Variants in TULP4 observed in about 807,000 individuals in gnomAD.
The protein encoded by TULP4 is tubby-related protein 4.
Under a neutral mutation model 129.0 loss-of-function variants are expected in TULP4, and 16 were observed. The ratio of observed to expected loss-of-function variants is 0.12; its 90% CI spans 0.08 to 0.19. The LOEUF (loss-of-function observed/expected upper bound fraction) is 0.19. Ranked by LOEUF, TULP4 falls within the 10% of genes least tolerant of loss-of-function variation. The probability of loss-of-function intolerance (pLI) is 1.00; values close to 1 mark genes in which losing one functional copy is unlikely to be tolerated. For synonymous variants in TULP4, 998 were observed against 854.0 expected, an observed-to-expected ratio of 1.17 and a Z score of -2.94; for missense variants, 1,842 against 2,059.1, an observed-to-expected ratio of 0.89 and a Z score of 2.04.
intron 5 of TULP4, 90 bp from the exon 6 acceptor site, chr6:158,461,473 A>ATTT: frequency 7.7e-7 from 1 of 1,301,874 alleles, no homozygotes; most frequent in Non-Finnish European, 1.1e-6. Flanking sequence ...CAGTGTCTGT[A>ATTT]TTTTTTAAAC....
At chr6:158,427,954 TACTAAAA>T (rs1778538971) in intron 2 of TULP4, 1 of 150,670 alleles carries the variant, frequency 6.6e-6, no homozygotes, top group South Asian at 2.1e-4. Flanking sequence ...ACCCCATCTC[TACTAAAA>T]ATACAAAAAT....
chr6:158,407,263 C>T (rs1175635829), intron 1 of TULP4, among the ~76,000 whole-genome samples: 1 of 152,240 alleles, frequency 6.6e-6, no homozygotes, highest in East Asian at 1.9e-4. Flanking sequence ...GGCCACCAAG[C>T]ACATGAGAAG....
chr6:158,473,350 A>G (rs1278943303), intron 6 of TULP4, among the ~76,000 whole-genome samples: 1 of 152,232 alleles, frequency 6.6e-6, no homozygotes, highest in Non-Finnish European at 1.5e-5. Flanking sequence ...CTTACAAAAT[A>G]CAAGGATGGT....
chr6:158,484,607 T>A (rs1780023036), intron 8 of TULP4, among the ~76,000 whole-genome samples: 1 of 151,996 alleles, frequency 6.6e-6, no homozygotes, highest in Non-Finnish European at 1.5e-5. Context: ...CTGATCTGAT[T>A]TAGTTACTGG....
intron 2 of TULP4, among the ~76,000 whole-genome samples, chr6:158,415,114 G>A (rs1224165505): frequency 6.6e-6 from 1 of 152,154 alleles, no homozygotes; most frequent in East Asian, 1.9e-4. Flanking sequence ...CTGCATATAC[G>A]ACGGTGATCT....
chr6:158,477,686 C>T (rs1194111072), intron 6 of TULP4, among the ~76,000 whole-genome samples: 2 of 152,200 alleles, frequency 1.3e-5, no homozygotes, highest in Admixed American at 1.3e-4. Context: ...TTAGTTCGGC[C>T]ATTGTAGAAA....
intron 1 of TULP4, among the ~76,000 whole-genome samples, chr6:158,301,206 A>G (rs916183363): frequency 6.6e-6 from 1 of 152,210 alleles, no homozygotes; most frequent in Non-Finnish European, 1.5e-5. Context: ...CTGTAAGGCA[A>G]TAATTACAGC....
chr6:158,336,873 C>T (rs547097915), intron 1 of TULP4, among the ~76,000 whole-genome samples: 8 of 151,748 alleles, frequency 5.3e-5, no homozygotes, highest in African/African-American at 7.3e-5. Flanking sequence ...GCCTGTTAAA[C>T]GGGTCATTTT....
chr6:158,408,440 A>T (rs1778014428), intron 1 of TULP4, among the ~76,000 whole-genome samples: 1 of 152,186 alleles, frequency 6.6e-6, no homozygotes, highest in Non-Finnish European at 1.5e-5. Flanking sequence ...AGCAGTCTTT[A>T]TCTTCTGGAG....
upstream of TULP4, among the ~76,000 whole-genome samples, chr6:158,310,836 A>G (rs535237042): frequency 1.3e-5 from 2 of 152,362 alleles, no homozygotes; most frequent in Admixed American, 6.5e-5. Flanking sequence ...CCACAGAAGT[A>G]CTTTATGTGT....
Position 158,423,128 on chromosome 6 carries a change from G to A in TULP4, c.382-6608G>A, listed in dbSNP as rs539355198. ...CCCTTCCTCCACAAAAAAGAGGGGG[G>A]GGGGGGGAAAGAAACCTTCCCAGGA... is the stretch of plus-strand genomic sequence containing the variant. On this transcript the variant is annotated intron_variant, in intron 2 of 13. Coordinates refer to ENST00000367097, the MANE Select transcript of TULP4 (RefSeq NM_020245.5). 3.6e-4 allele frequency among the ~76,000 whole-genome samples: 54 copies of A among 151,254 alleles called. 2 individuals carry two copies. Among genetic ancestry groups the A allele is most frequent in the Non-Finnish European group, 7.2e-4 (49 of 67,764 alleles).
rs745633100 is a variant in TULP4, at chr6:158,503,937, G to A, written c.4274G>A (p.Gly1425Asp). The change falls in exon 13 of 14, where the codon GGC becomes GAC. Residue 1425 changes from glycine to aspartate, a missense_variant. Gly to Asp is a moderately conservative substitution (Grantham distance 94). Coordinates refer to ENST00000367097, the MANE Select transcript of TULP4 (RefSeq NM_020245.5). This position sits in a 1 kb window ranked among gnomAD's most constrained non-coding sequence, Gnocchi z 4.3. The stretch of plus-strand genomic sequence containing the variant: ...GATGAGCTCATGAACCAGAGCCAGG[G>A]CAGCAGAAAGGGCTGGAAAAGCAAG... ...SGDELMNQSQ[G>D]SRKGWKSKRS... is the part of the protein sequence containing the mutation. 2 of 1,613,876 alleles carry A rather than the reference G, an allele frequency of 1.2e-6. No individual in the cohort carries two copies. Among genetic ancestry groups the A allele is most frequent in the Non-Finnish European group, 8.5e-7 (1 of 1,179,882 alleles).
chr6:158,394,279 A>G (rs937772692), intron 1 of TULP4, among the ~76,000 whole-genome samples: 3 of 152,172 alleles, frequency 2.0e-5, no homozygotes, highest in Non-Finnish European at 2.9e-5. Flanking sequence ...CGGTATCACT[A>G]TCAGCATTTT....
At chr6:158,400,385 TCAGTG>T (rs997025499) in intron 1 of TULP4, among the ~76,000 whole-genome samples, 1 of 152,230 alleles carries the variant, frequency 6.6e-6, no homozygotes, top group African/African-American at 2.4e-5. Context: ...GCATGAGATG[TCAGTG>T]AAGTACAGTA....
chr6:158,427,180 A>G (rs1778514595), intron 2 of TULP4, among the ~76,000 whole-genome samples: 1 of 152,208 alleles, frequency 6.6e-6, no homozygotes, highest in Admixed American at 6.5e-5. Context: ...CGGAATTCAG[A>G]TGACACTCAA....
rs1202167457 is a variant in TULP4, at chr6:158,506,992, T to TA, written c.*299dup. ...AAACAGCTTGGCTGTGGTAATGCTC[T>TA]ACTGGGCCCTTCAGAATGAAGACAG... On this transcript the variant is annotated 3_prime_UTR_variant, in exon 14 of 14. Transcript: ENST00000367097. The TA allele has an allele frequency of 7.8e-6, 3 of 382,256 alleles. No individual in the cohort carries two copies. Among genetic ancestry groups the TA allele is most frequent in the Non-Finnish European group, 1.4e-5 (3 of 208,366 alleles). 23.7% of individuals were successfully genotyped at this position (382,256 alleles called of 1,614,324 possible).
chr6:158,506,948 C>T lies in TULP4; in HGVS notation c.*254C>T. 2.1e-6 allele frequency: 1 copy of T among 482,432 alleles called. No individual in the cohort carries two copies. Among genetic ancestry groups the T allele is most frequent in the East Asian group, 3.9e-5 (1 of 25,584 alleles). 29.9% of individuals were successfully genotyped at this position (482,432 alleles called of 1,614,324 possible). A position where few individuals can be genotyped will look rare whatever the true frequency, so the allele number is the denominator to read the frequency against. ...GCATTTGGAAGCAAAGAGTGCTAGG[C>T]ACCTGCTGTTCTTTCAGGAAACAGC... is the stretch of plus-strand genomic sequence containing the variant. On this transcript the variant is annotated 3_prime_UTR_variant, in exon 14 of 14. Transcript: ENST00000367097.
chr6:158,502,097 G>A lies in TULP4; in HGVS notation c.2434G>A (p.Ala812Thr). 6.2e-7 allele frequency: 1 copy of A among 1,611,612 alleles called. No individual in the cohort carries two copies. The highest frequency in any genetic ancestry group is 1.7e-4 in the Middle Eastern group (1 of 6,040). Residue 812 changes from alanine to threonine, a missense_variant, in exon 13 of 14, where the codon GCA (alanine) becomes ACA (threonine). By Grantham distance (58) the Ala-to-Thr change is moderately conservative. Transcript: ENST00000367097. ...AKALRPTPQL[A>T]AEGDAVVFSA... ...GGCCCTGCGGCCAACACCGCAGCTG[G>A]CAGCTGAGGGGGACGCAGTGGTCTT...
Position 158,461,563 on chromosome 6 carries a change from A to C in TULP4, c.860A>C (p.Glu287Ala). Residue 287 changes from glutamate (E) to alanine (A), a missense_variant and splice_region_variant, in exon 6 of 14, where the codon GAG becomes GCG. Physicochemically the swap from Glu to Ala is moderately radical, Grantham distance 107 (BLOSUM62 -1). This residue lies in a region of TULP4 where 456 missense variants were observed against 534.3 expected (regional missense o/e 0.85). Transcript: ENST00000367097. ...GCTGACCCTCTCTCCTCTGTTTCAGAGGTGGTAGCCCAGTGGTGCACACAG... is the reference window on the plus strand; with the variant it reads ...GCTGACCCTCTCTCCTCTGTTTCAGCGGTGGTAGCCCAGTGGTGCACACAG... ...SPTVIRSGLKEVVAQWCTQGD... is the reference protein window; with the variant it reads ...SPTVIRSGLKAVVAQWCTQGD... 6.2e-7 allele frequency: 1 copy of C among 1,612,660 alleles called. No individual in the cohort carries two copies. Among genetic ancestry groups the C allele is most frequent in the Non-Finnish European group, 8.5e-7 (1 of 1,179,498 alleles).
Sources: gnomAD v4.1 joint callset for allele counts (sites outside exome capture counted in the v4.1 genomes callset) on GRCh38, gnomAD v4.1.1 for gene constraint, gnomAD v4.1.1 regional missense constraint, Gnocchi (gnomAD v3.1) non-coding constraint, MANE v1.5 for transcripts, NCBI Gene and HGNC (gene_info 2026-07-23, HGNC 2026-07-21) for gene names.